ARNT: variants seen among roughly 807,000 people sequenced by gnomAD.
The protein encoded by ARNT is aryl hydrocarbon receptor nuclear translocator.
In ARNT, 30 loss-of-function variants were observed where a neutral mutation model predicts 105.0. The ratio of observed to expected loss-of-function variants is 0.29; its 90% confidence interval spans 0.21 to 0.39. The LOEUF (loss-of-function observed/expected upper bound fraction) is 0.39. Among genes scored for constraint, ARNT ranks in the 10% least tolerant of loss-of-function variants. The pLI, the probability that ARNT is intolerant of heterozygous loss-of-function variation, is 1.00. For missense variants in ARNT, 748 were observed against 978.7 expected, an observed-to-expected ratio of 0.76 and a Z score of 3.15; for synonymous variants, 304 against 344.0, an observed-to-expected ratio of 0.88 and a Z score of 1.29.
chr1:150,864,506 G>GC (rs1666197244), intron 1 of ARNT, among the ~76,000 whole-genome samples: 1 of 150,148 alleles, frequency 6.7e-6, no homozygotes, highest in African/African-American at 2.5e-5. Context: ...GTAAACTATC[G>GC]CAAGATCAAA....
intron 3 of ARNT, among the ~76,000 whole-genome samples, chr1:150,848,420 C>A (rs1662666106): frequency 6.6e-6 from 1 of 151,300 alleles, no homozygotes; most frequent in Non-Finnish European, 1.5e-5. Context: ...CGAACCACTG[C>A]ACTCCAACGT....
chr1:150,818,804 G>GATTAATTTTATGTAATTTAT (rs1265913032), intron 14 of ARNT, among the ~76,000 whole-genome samples: 1 of 151,952 alleles, frequency 6.6e-6, no homozygotes, highest in Non-Finnish European at 1.5e-5. Context: ...AATCATGGTA[G>GATTAATTTTATGTAATTTAT]GGAAAATGAT....
Position 150,811,063 on chromosome 1 carries a change from C to G in ARNT, c.*958G>C, listed in dbSNP as rs943247481. The G allele has an allele frequency of 8.6e-6, 2 of 231,958 alleles. No homozygotes were observed. Among genetic ancestry groups the G allele is most frequent in the African/African-American group, 4.4e-5 (2 of 45,236 alleles). 14.4% of individuals were successfully genotyped at this position (231,958 alleles called of 1,614,324 possible). A position where few individuals can be genotyped will look rare whatever the true frequency, so the allele number is the denominator to read the frequency against. ...CATATGTGATTCTGACAGAAAAATG[C>G]AGCATTATCTTTATGGCCAAGTCTC... On this transcript the variant is annotated 3_prime_UTR_variant, in exon 22 of 22. Transcript: ENST00000358595.
At chr1:150,874,483 A>C (rs1189078965) in intron 1 of ARNT, among the ~76,000 whole-genome samples, 1 of 152,196 alleles carries the variant, frequency 6.6e-6, no homozygotes, top group Non-Finnish European at 1.5e-5. Flanking sequence ...CAGGAGATCA[A>C]GATCAGCATG....
At chr1:150,827,874 G>A (rs1041708631) in intron 12 of ARNT, among the ~76,000 whole-genome samples, 6 of 152,186 alleles carry the variant, frequency 3.9e-5, no homozygotes, top group Admixed American at 2.0e-4. Context: ...TGGGTATATA[G>A]TGGTATCTCA....
chr1:150,826,265 AC>A (rs897729327), intron 13 of ARNT, among the ~76,000 whole-genome samples: 35 of 152,322 alleles, frequency 2.3e-4, no homozygotes, highest in African/African-American at 8.2e-4. Flanking sequence ...CGCATGAGCC[AC>A]CATGCCTGGC....
At chr1:150,816,072 T>C (rs587701112) in intron 19 of ARNT, among the ~76,000 whole-genome samples, 187 bp downstream of exon 19, 14 of 152,274 alleles carry the variant, frequency 9.2e-5, no homozygotes, top group Admixed American at 8.5e-4. Context: ...CCACAGACTC[T>C]ACTGAGATTT....
chr1:150,834,658 G>C lies in ARNT; in HGVS notation c.701-18C>G. The C allele has an allele frequency of 1.2e-6, 2 of 1,608,320 alleles. No individual in the cohort carries two copies. The highest frequency in any genetic ancestry group is 8.5e-7 in the Non-Finnish European group (1 of 1,174,986). On this transcript the variant is annotated intron_variant, in intron 7 of 21. Transcript: ENST00000358595. The stretch of plus-strand genomic sequence containing the variant: ...GATACGCCCTGAAGGAAGATGTGAA[G>C]AGCAGTCTGGAGTGCATTTTTGTGT...
At chr1:150,823,548 TA>T (rs1253497890) in intron 13 of ARNT, among the ~76,000 whole-genome samples, 1 of 144,576 alleles carries the variant, frequency 6.9e-6, no homozygotes, top group African/African-American at 2.6e-5. Context: ...TTCAGAGACT[TA>T]AGCTTTTTTT....
chr1:150,872,013 G>A (rs755753589), intron 1 of ARNT, among the ~76,000 whole-genome samples: 18 of 150,908 alleles, frequency 1.2e-4, no homozygotes, highest in Non-Finnish European at 2.4e-4. Context: ...CTGGAGTACA[G>A]TGGCATGATC....
chr1:150,817,826 A>G, intron 15 of ARNT, 94 bp downstream of exon 15: 1 of 1,110,690 alleles, frequency 9.0e-7, no homozygotes, highest in South Asian at 1.6e-5. Flanking sequence ...AAAAAAAAAA[A>G]AAAAATTAAC....
At chr1:150,858,543 G>A in intron 1 of ARNT, 83 bp from the exon 2 acceptor site, 1 of 1,097,918 alleles carries the variant, frequency 9.1e-7, no homozygotes, top group African/African-American at 1.6e-5. Context: ...CTAAAAGAAA[G>A]GTTCAAGCTA....
intron 1 of ARNT, among the ~76,000 whole-genome samples, chr1:150,870,115 G>A (rs74127036): frequency 0.065 from 9,834 of 151,158 alleles, 1,088 homozygotes; most frequent in African/African-American, 0.23. Flanking sequence ...ATAAAATTCT[G>A]TCTCTAACTT....
chr1:150,839,538 G>C lies in ARNT; in HGVS notation c.389C>G (p.Thr130Ser). Reference sequence around the variant, plus strand: ...GTGAGAAACTGCCATGCGTAAGATGGTTAGCTTGTCTGGTTTTCGAGCCAG... The same window carrying C: ...GTGAGAAACTGCCATGCGTAAGATGCTTAGCTTGTCTGGTTTTCGAGCCAG... ...SALARKPDKL[T>S]ILRMAVSHMK... Residue 130 changes from threonine to serine, a missense_variant, in exon 6 of 22, where the codon ACC (threonine) becomes AGC (serine). Around this residue, in one of 4 missense-constraint regions of ARNT, gnomAD observed 291 missense variants for 444.6 expected, o/e 0.65. Coordinates refer to ENST00000358595, the MANE Select transcript of ARNT (RefSeq NM_001668.4). 3 of 1,614,208 alleles carry C rather than the reference G, an allele frequency of 1.9e-6. No homozygotes were observed. The highest frequency in any genetic ancestry group is 2.5e-6 in the Non-Finnish European group (3 of 1,180,028).
chr1:150,825,657 T>C (rs1051883520), intron 13 of ARNT, among the ~76,000 whole-genome samples: 1 of 152,066 alleles, frequency 6.6e-6, no homozygotes, highest in Non-Finnish European at 1.5e-5. Context: ...GAGACCATCC[T>C]GGCCAACGTG....
intron 2 of ARNT, among the ~76,000 whole-genome samples, chr1:150,857,108 T>C (rs1019915544): frequency 2.0e-5 from 3 of 152,240 alleles, no homozygotes; most frequent in Non-Finnish European, 4.4e-5. Context: ...ATATATTCTT[T>C]CAGTTTTTTC....
At chr1:150,853,100 C>A in intron 2 of ARNT, 1 of 365,002 alleles carries the variant, frequency 2.7e-6, no homozygotes, top group Non-Finnish European at 5.2e-6. Context: ...GGCCAACATG[C>A]TGAAACCCCA....
intron 2 of ARNT, among the ~76,000 whole-genome samples, chr1:150,855,619 G>C (rs948844046): frequency 2.2e-4 from 34 of 151,672 alleles, no homozygotes; most frequent in Admixed American, 2.2e-3. Context: ...TTTTTTTAAA[G>C]GGCCAGGTAC....
intron 1 of ARNT, 37 bp downstream of exon 1, chr1:150,876,506 T>C (rs1248902343): frequency 6.5e-7 from 1 of 1,537,958 alleles, no homozygotes; most frequent in Non-Finnish European, 8.8e-7. Flanking sequence ...CTTCGGCCCC[T>C]CCCCTTTAGA....
Sources: gnomAD v4.1 joint callset for allele counts (sites outside exome capture counted in the v4.1 genomes callset) on GRCh38, gnomAD v4.1.1 for gene constraint, gnomAD v4.1.1 regional missense constraint, MANE v1.5 for transcripts, NCBI Gene and HGNC (gene_info 2026-07-23, HGNC 2026-07-21) for gene names.